UTRN: variants seen among roughly 807,000 people sequenced by gnomAD.
The protein encoded by UTRN is dystrophin-related protein 1.
UTRN carries 283 observed loss-of-function variants against 463.9 expected under a neutral mutation model. The observed-to-expected ratio is 0.61, with a 90% CI of 0.55 to 0.67. The LOEUF is 0.67. Among genes scored for constraint, UTRN ranks in the 30% least tolerant of loss-of-function variants. The pLI is 0.00. For synonymous variants in UTRN, 1,442 were observed against 1,431.5 expected (o/e 1.01, Z -0.17); for missense variants, 3,922 against 4,084.3 (o/e 0.96, Z 1.08).
chr6:144,352,718 TAAATAA>T (rs1199263836), intron 2 of UTRN, among the ~76,000 whole-genome samples: 1 of 152,228 alleles, frequency 6.6e-6, no homozygotes, highest in Non-Finnish European at 1.5e-5. Context: ...TAATCAAATC[TAAATAA>T]AAATAAAAGG....
intron 2 of UTRN, among the ~76,000 whole-genome samples, chr6:144,295,219 A>T (rs1206707496): frequency 6.6e-6 from 1 of 152,230 alleles, no homozygotes; most frequent in Non-Finnish European, 1.5e-5. Flanking sequence ...TTAAACATGA[A>T]ATAATAAAAT....
chr6:144,526,677 A>G (rs1049587746), intron 41 of UTRN, among the ~76,000 whole-genome samples: 3 of 149,532 alleles, frequency 2.0e-5, no homozygotes, highest in African/African-American at 4.9e-5. Flanking sequence ...GGCCATTTAC[A>G]TTGAATGTTA....
Position 144,571,678 on chromosome 6 carries a change from C to T in UTRN, c.7290-5421C>T, listed in dbSNP as rs555251831. Among the ~76,000 whole-genome samples the T allele has an allele frequency of 1.2e-3, 184 of 152,230 alleles. 1 individual carries two copies. Among genetic ancestry groups the T allele is most frequent in the Middle Eastern group, 3.4e-3 (1 of 294 alleles). ...ATTTTGCTTGTCCAAACATTATTACCAGCTAAAAACTGAGGTTTACTGTAA... is the reference window on the plus strand; with the variant it reads ...ATTTTGCTTGTCCAAACATTATTACTAGCTAAAAACTGAGGTTTACTGTAA... On this transcript the variant is annotated intron_variant, in intron 50 of 74. Coordinates refer to ENST00000367545, the MANE Select transcript of UTRN (RefSeq NM_007124.3).
At chr6:144,622,184 G>GTTTTTTTTTTTTTTTTTTTTTTTT (rs1199579909) in intron 51 of UTRN, among the ~76,000 whole-genome samples, 4 of 88,200 alleles carry the variant, frequency 4.5e-5, no homozygotes, top group East Asian at 4.3e-4. Context: ...TTTTTTTGTT[G>GTTTTTTTTTTTTTTTTTTTTTTTT]TTTTTTTTTT....
At chr6:144,558,612 C>A (rs1799591719) in intron 50 of UTRN, among the ~76,000 whole-genome samples, 1 of 151,620 alleles carries the variant, frequency 6.6e-6, no homozygotes, top group Non-Finnish European at 1.5e-5. Context: ...GCACATGTAC[C>A]CTAAAACTTA....
At chr6:144,495,743 G>A (rs1236410726) in intron 33 of UTRN, among the ~76,000 whole-genome samples, 1 of 152,240 alleles carries the variant, frequency 6.6e-6, no homozygotes, top group African/African-American at 2.4e-5. Context: ...AAAAATAAAT[G>A]TTAATAATTC....
At chr6:144,369,049 A>C (rs1414525539) in intron 2 of UTRN, among the ~76,000 whole-genome samples, 1 of 152,214 alleles carries the variant, frequency 6.6e-6, no homozygotes, top group Non-Finnish European at 1.5e-5. Context: ...TCTTTAAAAA[A>C]ATTGATGTGG....
At chr6:144,528,003 T>C (rs570786583) in intron 41 of UTRN, among the ~76,000 whole-genome samples, 11 of 151,808 alleles carry the variant, frequency 7.2e-5, no homozygotes, top group African/African-American at 2.7e-4. Context: ...TTTGTCCTGG[T>C]TTGGATCCAT....
chr6:144,328,784 C>T (rs1359214983), intron 2 of UTRN, among the ~76,000 whole-genome samples: 1 of 151,662 alleles, frequency 6.6e-6, no homozygotes, highest in African/African-American at 2.4e-5. Flanking sequence ...TTTAGTGAAG[C>T]CAGACAAATT....
At chr6:144,706,047 T>C (rs1421639965) in intron 53 of UTRN, among the ~76,000 whole-genome samples, 1 of 152,072 alleles carries the variant, frequency 6.6e-6, no homozygotes, top group Non-Finnish European at 1.5e-5. Flanking sequence ...AATTATCGAA[T>C]AGTCTAAGCA....
chr6:144,361,793 A>C (rs1438015416), intron 2 of UTRN, among the ~76,000 whole-genome samples: 1 of 139,920 alleles, frequency 7.1e-6, no homozygotes, highest in Non-Finnish European at 1.5e-5. Context: ...TTTTGTAGAG[A>C]TGGGGTCTCG....
chr6:144,830,433 G>C (rs1414977107), intron 69 of UTRN, among the ~76,000 whole-genome samples: 1 of 152,092 alleles, frequency 6.6e-6, no homozygotes, highest in Non-Finnish European at 1.5e-5. Flanking sequence ...TTTGTAAGCT[G>C]TTAAACAGAG....
intron 30 of UTRN, among the ~76,000 whole-genome samples, chr6:144,489,415 C>T (rs1292511099): frequency 6.6e-6 from 1 of 151,944 alleles, no homozygotes; most frequent in Admixed American, 6.5e-5. Context: ...TCCCAAAATG[C>T]TGGGATTACA....
chr6:144,477,812 A>C (rs1486822034), intron 25 of UTRN, among the ~76,000 whole-genome samples: 1 of 152,178 alleles, frequency 6.6e-6, no homozygotes, highest in Admixed American at 6.5e-5. Context: ...GAGGAAATAG[A>C]AAATGGTTTG....
chr6:144,628,018 C>G (rs952396476), intron 51 of UTRN, among the ~76,000 whole-genome samples: 3 of 152,084 alleles, frequency 2.0e-5, no homozygotes, highest in Admixed American at 6.6e-5. Context: ...TCAGGCTGGT[C>G]TCGAACTCCT....
chr6:144,757,992 A>G lies in UTRN; in HGVS notation c.8495+3A>G, dbSNP rs1248405391. On this transcript the variant is annotated splice_donor_region_variant and intron_variant, in intron 58 of 74. Coordinates refer to ENST00000367545, the MANE Select transcript of UTRN (RefSeq NM_007124.3). ...AATAAAGTGCCCTATTACATCAAGT[A>G]AGTTGATTTTAATTCTCCTTTATGA... 2 of 1,607,974 alleles carry G rather than the reference A, an allele frequency of 1.2e-6. No homozygotes were observed. Among genetic ancestry groups the G allele is most frequent in the Admixed American group, 3.4e-5 (2 of 59,446 alleles).
chr6:144,730,478 CA>C lies in UTRN; in HGVS notation c.7936del (p.Thr2646GlnfsTer3). On this transcript the variant is annotated frameshift_variant, in exon 54 of 75. Coordinates refer to ENST00000367545, the MANE Select transcript of UTRN (RefSeq NM_007124.3). LOFTEE classifies it high-confidence loss of function. ...APEEPRRNLQ[S>X]KTELTPEERA... ...GAAGAGCCAAGAAGAAACCTACAAT[CA>C]AAAACAGGTGAGACTGGTTTCTCCA... The C allele has an allele frequency of 1.2e-6, 2 of 1,606,280 alleles. No homozygotes were observed. The highest frequency in any genetic ancestry group is 1.7e-5 in the Admixed American group (1 of 59,024).
intron 51 of UTRN, among the ~76,000 whole-genome samples, chr6:144,602,989 C>T (rs1001786593): frequency 2.0e-5 from 3 of 152,096 alleles, no homozygotes; most frequent in African/African-American, 4.8e-5. Flanking sequence ...TGATGTGGAA[C>T]GAAACCTGCA....
intron 6 of UTRN, among the ~76,000 whole-genome samples, chr6:144,424,784 C>G (rs1016242711): frequency 2.6e-5 from 4 of 152,178 alleles, no homozygotes; most frequent in Non-Finnish European, 2.9e-5. Context: ...TACTCTCTCT[C>G]AGTCTGCCTA....
Sources: gnomAD v4.1 joint callset for allele counts (sites outside exome capture counted in the v4.1 genomes callset) on GRCh38, gnomAD v4.1.1 for gene constraint, MANE v1.5 for transcripts, NCBI Gene and HGNC (gene_info 2026-07-23, HGNC 2026-07-21) for gene names.